SLC24A2: variants seen among roughly 807,000 people sequenced by gnomAD.
SLC24A2 encodes the protein solute carrier family 24 member 2.
SLC24A2 carries 36 observed loss-of-function variants against 62.0 expected under a neutral mutation model. That is an observed-to-expected ratio of 0.58 (90% confidence interval 0.44 to 0.77). The LOEUF (loss-of-function observed/expected upper bound fraction) is 0.77. SLC24A2 is among the 30% of genes least tolerant of loss of function. The pLI is 0.00. For missense variants in SLC24A2, 846 were observed against 817.9 expected, an observed-to-expected ratio of 1.03 and a Z score of -0.42; for synonymous variants, 358 against 294.0, an observed-to-expected ratio of 1.22 and a Z score of -2.23.
intron 2 of SLC24A2, among the ~76,000 whole-genome samples, chr9:19,692,666 C>T (rs1361539717): frequency 6.6e-6 from 1 of 152,060 alleles, no homozygotes; most frequent in Non-Finnish European, 1.5e-5. Context: ...TATTTTTCTT[C>T]CTAGCACTTG....
At chr9:20,206,667 A>G in the SLC24A2 span, among the ~76,000 whole-genome samples, 18 of 151,974 alleles carry the variant, frequency 1.2e-4, no homozygotes, top group Non-Finnish European at 2.5e-4. Context: ...TTTTTAGTAG[A>G]GACGGGGTTT....
At chr9:20,078,867 G>C in the SLC24A2 span, among the ~76,000 whole-genome samples, 1 of 152,062 alleles carries the variant, frequency 6.6e-6, no homozygotes, top group African/African-American at 2.4e-5. Flanking sequence ...TAGAAATGAA[G>C]AATTGTATGT....
chr9:19,847,015 C>T, the SLC24A2 span, among the ~76,000 whole-genome samples: 1 of 151,942 alleles, frequency 6.6e-6, no homozygotes, highest in African/African-American at 2.4e-5. Flanking sequence ...GAGCAAAATC[C>T]AGTCTCTTAA....
the SLC24A2 span, among the ~76,000 whole-genome samples, chr9:19,817,727 TTTTA>T: frequency 6.6e-6 from 1 of 151,996 alleles, no homozygotes; most frequent in South Asian, 2.1e-4. Flanking sequence ...TAATGTATCT[TTTTA>T]TTTATTTATT....
At chr9:20,210,029 G>C in the SLC24A2 span, among the ~76,000 whole-genome samples, 16,867 of 152,188 alleles carry the variant, frequency 0.11, 2,232 homozygotes, top group East Asian at 0.61. Flanking sequence ...TTAATTGAAG[G>C]GGTCTTGTGA....
chr9:19,968,168 T>C, the SLC24A2 span, among the ~76,000 whole-genome samples: 1 of 152,296 alleles, frequency 6.6e-6, no homozygotes, highest in South Asian at 2.1e-4. Context: ...TGGTTTGTTT[T>C]CATCATCATA....
At chr9:19,803,438 A>T in the SLC24A2 span, among the ~76,000 whole-genome samples, 2 of 152,178 alleles carry the variant, frequency 1.3e-5, no homozygotes, top group Non-Finnish European at 1.5e-5. Flanking sequence ...ATTGATTTCA[A>T]TGAAATATAT....
chr9:19,863,475 C>T, the SLC24A2 span, among the ~76,000 whole-genome samples: 1 of 151,946 alleles, frequency 6.6e-6, no homozygotes, highest in African/African-American at 2.4e-5. Flanking sequence ...GGTCACAAAT[C>T]AAGTCTCAAA....
At chr9:20,141,705 G>A in the SLC24A2 span, among the ~76,000 whole-genome samples, 1 of 151,918 alleles carries the variant, frequency 6.6e-6, no homozygotes, top group Non-Finnish European at 1.5e-5. Context: ...CGCTACTGCA[G>A]GGTAGCGTCC....
chr9:20,019,089 GAAAGAAAGAAAGAT>G, the SLC24A2 span, among the ~76,000 whole-genome samples: 1 of 38,708 alleles, frequency 2.6e-5, no homozygotes, highest in Non-Finnish European at 4.5e-5. Context: ...AAGAGAGAAA[GAAAGAAAGAAAGAT>G]AGAAAGAAAG....
At chr9:20,216,631 G>A in the SLC24A2 span, among the ~76,000 whole-genome samples, 1 of 152,148 alleles carries the variant, frequency 6.6e-6, no homozygotes, top group South Asian at 2.1e-4. Context: ...GGGCAGTGAT[G>A]ATATCCAGTG....
At chr9:19,903,337 G>C in the SLC24A2 span, among the ~76,000 whole-genome samples, 1 of 152,180 alleles carries the variant, frequency 6.6e-6, no homozygotes, top group Non-Finnish European at 1.5e-5. Flanking sequence ...GAGAGAGAGA[G>C]TGAGTGAGCT....
chr9:20,059,081 T>C, the SLC24A2 span, among the ~76,000 whole-genome samples: 13 of 152,292 alleles, frequency 8.5e-5, no homozygotes, highest in Non-Finnish European at 1.9e-4. Flanking sequence ...CCTAAAGATG[T>C]CCACTTCCTA....
the SLC24A2 span, among the ~76,000 whole-genome samples, chr9:20,157,905 A>G: frequency 6.6e-6 from 1 of 151,588 alleles, no homozygotes; most frequent in African/African-American, 2.4e-5. Context: ...CAAAATATCT[A>G]TGAATCAAAT....
At chr9:19,560,474 C>A (rs1042103229) in intron 7 of SLC24A2, among the ~76,000 whole-genome samples, 1 of 152,182 alleles carries the variant, frequency 6.6e-6, no homozygotes, top group Non-Finnish European at 1.5e-5. Flanking sequence ...GTCTCTATGT[C>A]CCCCTCTTTC....
chr9:20,057,256 A>G, the SLC24A2 span, among the ~76,000 whole-genome samples: 9 of 152,330 alleles, frequency 5.9e-5, no homozygotes, highest in Non-Finnish European at 1.2e-4. Context: ...TGTGATGCTC[A>G]TTATGTTATT....
At chr9:20,189,382 A>G in the SLC24A2 span, among the ~76,000 whole-genome samples, 777 of 152,298 alleles carry the variant, frequency 5.1e-3, 6 homozygotes, top group Admixed American at 0.023. Flanking sequence ...CAGTCATCAT[A>G]ACTGGGTAGT....
At chr9:19,978,049 G>A in the SLC24A2 span, among the ~76,000 whole-genome samples, 12 of 152,198 alleles carry the variant, frequency 7.9e-5, no homozygotes, top group South Asian at 1.0e-3. Flanking sequence ...ATTTCCTGCC[G>A]GGATAAATAG....
At chr9:19,826,548 G>C in the SLC24A2 span, among the ~76,000 whole-genome samples, 1 of 152,152 alleles carries the variant, frequency 6.6e-6, no homozygotes, top group Non-Finnish European at 1.5e-5. Flanking sequence ...CAAGATGCTG[G>C]CACACCTGGT....
Sources: allele counts gnomAD v4.1 joint callset (sites outside exome capture counted in the v4.1 genomes callset), GRCh38; gene constraint gnomAD v4.1.1; transcripts MANE v1.5; gene names NCBI Gene and HGNC (gene_info 2026-07-23, HGNC 2026-07-21).